Variants in ENTREP2 observed in about 807,000 individuals in gnomAD.
ENTREP2 encodes endosomal transmembrane epsin interactor 2.
the ENTREP2 span, among the ~76,000 whole-genome samples, chr15:29,127,187 C>T: frequency 1.7e-3 from 255 of 152,256 alleles, no homozygotes; most frequent in African/African-American, 5.7e-3. Flanking sequence ...GGGCTCTTGC[C>T]GGGAACCACT....
chr15:29,207,313 G>C, the ENTREP2 span, among the ~76,000 whole-genome samples: 1 of 152,134 alleles, frequency 6.6e-6, no homozygotes, highest in African/African-American at 2.4e-5. Context: ...TCAAGAATGA[G>C]GCCGCAGACG....
chr15:29,671,969 G>A, the ENTREP2 span, among the ~76,000 whole-genome samples: 2 of 152,178 alleles, frequency 1.3e-5, no homozygotes, highest in South Asian at 2.1e-4. Context: ...GAAGGAGACG[G>A]TTTACTGCAG....
chr15:29,599,714 C>T, the ENTREP2 span, among the ~76,000 whole-genome samples: 3 of 152,160 alleles, frequency 2.0e-5, no homozygotes, highest in Non-Finnish European at 4.4e-5. Context: ...AGATCAGGCA[C>T]AGGGGCAGGC....
the ENTREP2 span, among the ~76,000 whole-genome samples, chr15:29,561,765 GC>G: frequency 6.6e-6 from 1 of 150,556 alleles, no homozygotes; most frequent in Non-Finnish European, 1.5e-5. Flanking sequence ...TTATGACTTG[GC>G]AATCATCGTA....
At chr15:29,524,603 G>C in the ENTREP2 span, among the ~76,000 whole-genome samples, 1 of 152,210 alleles carries the variant, frequency 6.6e-6, no homozygotes, top group African/African-American at 2.4e-5. Flanking sequence ...TGTTCAGCTC[G>C]ATTAGGATGA....
the ENTREP2 span, among the ~76,000 whole-genome samples, chr15:29,256,384 G>A: frequency 6.6e-6 from 1 of 151,994 alleles, no homozygotes; most frequent in Non-Finnish European, 1.5e-5. Flanking sequence ...AAAACTATAA[G>A]GTTTTTATGT....
chr15:29,225,410 G>A, the ENTREP2 span, among the ~76,000 whole-genome samples: 2 of 152,258 alleles, frequency 1.3e-5, no homozygotes, highest in Non-Finnish European at 2.9e-5. Flanking sequence ...ATCCACCCGA[G>A]TCCATATAGC....
chr15:29,648,448 T>C, the ENTREP2 span, among the ~76,000 whole-genome samples: 18 of 152,292 alleles, frequency 1.2e-4, no homozygotes, highest in African/African-American at 3.4e-4. Flanking sequence ...TTACCCACCA[T>C]GTGTCAGTGT....
chr15:29,597,750 C>T, the ENTREP2 span, among the ~76,000 whole-genome samples: 1 of 90,916 alleles, frequency 1.1e-5, no homozygotes, highest in Non-Finnish European at 2.2e-5. Flanking sequence ...CATTGGCATG[C>T]TGGTTTATGT....
chr15:29,158,294 C>A, the ENTREP2 span, among the ~76,000 whole-genome samples: 1 of 152,154 alleles, frequency 6.6e-6, no homozygotes, highest in Non-Finnish European at 1.5e-5. Flanking sequence ...AGACTTTTCC[C>A]CTCCAGCTGT....
chr15:29,218,119 C>G, the ENTREP2 span, among the ~76,000 whole-genome samples: 1 of 152,242 alleles, frequency 6.6e-6, no homozygotes, highest in East Asian at 1.9e-4. Context: ...GGTCTCTCAG[C>G]GTGGATATCA....
the ENTREP2 span, among the ~76,000 whole-genome samples, chr15:29,343,045 G>A: frequency 6.4e-4 from 91 of 142,260 alleles, 1 homozygote; most frequent in African/African-American, 2.2e-3. Context: ...GTGGTTCTTC[G>A]GTCCAGATTT....
At chr15:29,396,321 CT>C in the ENTREP2 span, among the ~76,000 whole-genome samples, 58 of 146,830 alleles carry the variant, frequency 4.0e-4, no homozygotes, top group East Asian at 9.9e-4. Context: ...ATGAGTTTGA[CT>C]TTTTTTTTTT....
At chr15:29,289,192 G>A in the ENTREP2 span, among the ~76,000 whole-genome samples, 1 of 150,984 alleles carries the variant, frequency 6.6e-6, no homozygotes, top group Non-Finnish European at 1.5e-5. Flanking sequence ...GGGTGACAGA[G>A]GGAGACCCTG....
At chr15:29,363,175 A>C in the ENTREP2 span, among the ~76,000 whole-genome samples, 1 of 152,202 alleles carries the variant, frequency 6.6e-6, no homozygotes, top group African/African-American at 2.4e-5. Flanking sequence ...TTAAAAAAAA[A>C]GGTCACGACC....
the ENTREP2 span, among the ~76,000 whole-genome samples, chr15:29,603,229 C>A: frequency 1.3e-5 from 2 of 152,192 alleles, no homozygotes; most frequent in African/African-American, 4.8e-5. Context: ...AAAGGCATAG[C>A]TTCCAGAGAG....
the ENTREP2 span, among the ~76,000 whole-genome samples, chr15:29,551,459 C>T: frequency 3.3e-5 from 5 of 152,218 alleles, no homozygotes; most frequent in East Asian, 7.7e-4. Flanking sequence ...ATCTAAGAAC[C>T]CTGACCTCTG....
the ENTREP2 span, among the ~76,000 whole-genome samples, chr15:29,133,172 T>G: frequency 2.0e-5 from 3 of 152,114 alleles, no homozygotes; most frequent in African/African-American, 4.8e-5. Flanking sequence ...ATCCCCAGTA[T>G]CTAGGTCCTT....
chr15:29,445,400 C>T, the ENTREP2 span, among the ~76,000 whole-genome samples: 6 of 152,048 alleles, frequency 3.9e-5, no homozygotes, highest in Admixed American at 6.5e-5. Context: ...CTTTCAGGCC[C>T]ACAATCCCAC....
Sources: gnomAD v4.1 joint callset for allele counts (sites outside exome capture counted in the v4.1 genomes callset) on GRCh38, gnomAD v4.1.1 for gene constraint, MANE v1.5 for transcripts, NCBI Gene and HGNC (gene_info 2026-07-23, HGNC 2026-07-21) for gene names.